WWOX: variants seen among roughly 807,000 people sequenced by gnomAD.
WWOX encodes WW domain containing oxidoreductase.
Under a neutral mutation model 46.2 loss-of-function variants are expected in WWOX, and 69 were observed. The ratio of observed to expected loss-of-function variants is 1.49; its 90% CI spans 1.23 to 1.82. The LOEUF (loss-of-function observed/expected upper bound fraction) is 1.82, where lower values mean the gene tolerates loss of function less well. Ranked by LOEUF, WWOX falls within the 40% of genes most tolerant of loss-of-function variation. The probability of loss-of-function intolerance (pLI) is 0.00; values close to 1 mark genes in which losing one functional copy is unlikely to be tolerated. For missense variants in WWOX, 919 were observed against 542.6 expected, an observed-to-expected ratio of 1.69 and a Z score of -6.89; for synonymous variants, 359 against 202.6, an observed-to-expected ratio of 1.77 and a Z score of -6.56.
chr16:79,031,469 C>G (rs897601007), intron 8 of WWOX, among the ~76,000 whole-genome samples: 1 of 151,734 alleles, frequency 6.6e-6, no homozygotes, highest in African/African-American at 2.4e-5. Context: ...TTTGTGGGTC[C>G]ATGTTAATGT....
intron 5 of WWOX, among the ~76,000 whole-genome samples, chr16:78,172,175 A>G (rs375477640): frequency 6.6e-6 from 1 of 152,156 alleles, no homozygotes; most frequent in Non-Finnish European, 1.5e-5. Flanking sequence ...ATTTATTTGT[A>G]TGAATACTTC....
chr16:79,183,529 A>C (rs2050953593), intron 8 of WWOX, among the ~76,000 whole-genome samples: 1 of 152,250 alleles, frequency 6.6e-6, no homozygotes. Flanking sequence ...ATTGGCATCC[A>C]ACCATAATCA....
intron 8 of WWOX, among the ~76,000 whole-genome samples, chr16:78,755,501 G>C (rs998219022): frequency 3.3e-5 from 5 of 152,150 alleles, no homozygotes; most frequent in African/African-American, 1.2e-4. Context: ...ATGTTCTTGA[G>C]TCAGTACCTG....
intron 8 of WWOX, among the ~76,000 whole-genome samples, chr16:78,944,400 C>A (rs967570933): frequency 6.6e-6 from 1 of 152,168 alleles, no homozygotes; most frequent in African/African-American, 2.4e-5. Flanking sequence ...ACGTTTGTTG[C>A]ATCAGTTGAA....
At chr16:78,696,349 A>G (rs950191686) in intron 8 of WWOX, among the ~76,000 whole-genome samples, 1 of 152,188 alleles carries the variant, frequency 6.6e-6, no homozygotes. Flanking sequence ...CAGGGTCCTA[A>G]GTGACTTCAG....
chr16:79,015,641 G>C (rs1256267765), intron 8 of WWOX, among the ~76,000 whole-genome samples: 1 of 152,240 alleles, frequency 6.6e-6, no homozygotes, highest in Non-Finnish European at 1.5e-5. Context: ...ACCACTGTGG[G>C]ATTAGTCATG....
chr16:79,140,510 G>A (rs768401701), intron 8 of WWOX, among the ~76,000 whole-genome samples: 17 of 152,126 alleles, frequency 1.1e-4, no homozygotes, highest in Non-Finnish European at 2.2e-4. Flanking sequence ...CTTGTCTCTG[G>A]AAAATCAGCA....
chr16:78,283,801 G>A (rs1460021604), intron 5 of WWOX, among the ~76,000 whole-genome samples: 1 of 152,148 alleles, frequency 6.6e-6, no homozygotes, highest in African/African-American at 2.4e-5. Context: ...TCAAGGAAGA[G>A]CAATAAAAGG....
intron 6 of WWOX, among the ~76,000 whole-genome samples, chr16:78,418,175 A>G (rs1470156676): frequency 6.6e-6 from 1 of 152,098 alleles, no homozygotes; most frequent in South Asian, 2.1e-4. Context: ...CCTGGCTAAC[A>G]TGGTGAAACC....
intron 5 of WWOX, among the ~76,000 whole-genome samples, chr16:78,361,845 C>A (rs576770350): frequency 1.3e-5 from 2 of 152,146 alleles, no homozygotes; most frequent in South Asian, 4.1e-4. Flanking sequence ...CTCCTCTTCT[C>A]TGGTGATCCT....
At chr16:78,884,908 T>C (rs1017157650) in intron 8 of WWOX, among the ~76,000 whole-genome samples, 9 of 152,222 alleles carry the variant, frequency 5.9e-5, no homozygotes. Context: ...ATCAATGCAT[T>C]CCATTTATTC....
intron 8 of WWOX, among the ~76,000 whole-genome samples, chr16:78,738,666 G>A (rs1053379655): frequency 1.3e-5 from 2 of 151,900 alleles, no homozygotes; most frequent in Non-Finnish European, 2.9e-5. Context: ...TTCCTTGATC[G>A]CATTTGCTTC....
At chr16:78,833,574 T>C (rs2051892050) in intron 8 of WWOX, among the ~76,000 whole-genome samples, 1 of 152,124 alleles carries the variant, frequency 6.6e-6, no homozygotes, top group Non-Finnish European at 1.5e-5. Context: ...ATGGTGCTTG[T>C]ATCTGATTTT....
intron 8 of WWOX, among the ~76,000 whole-genome samples, chr16:78,863,394 C>G (rs1011600930): frequency 1.3e-5 from 2 of 152,178 alleles, no homozygotes; most frequent in South Asian, 4.1e-4. Flanking sequence ...TGAATGGACC[C>G]TGAGTATCTT....
intron 8 of WWOX, among the ~76,000 whole-genome samples, chr16:78,544,199 G>C (rs1402417992): frequency 6.6e-6 from 1 of 152,106 alleles, no homozygotes; most frequent in African/African-American, 2.4e-5. Flanking sequence ...AAATATTTTG[G>C]TAGGAAATAG....
chr16:78,370,130 C>CAAAAAAA (rs749015478), intron 5 of WWOX, among the ~76,000 whole-genome samples: 1 of 76,086 alleles, frequency 1.3e-5, no homozygotes, highest in Non-Finnish European at 2.3e-5. Context: ...AGACTGTCTC[C>CAAAAAAA]AAAAAAAAAA....
chr16:79,197,253 T>G (rs555205723), intron 8 of WWOX, among the ~76,000 whole-genome samples: 38 of 152,334 alleles, frequency 2.5e-4, no homozygotes, highest in African/African-American at 9.1e-4. Flanking sequence ...GGTCCTGATC[T>G]GTTTTATCAT....
chr16:78,380,596 C>T (rs898640586), intron 5 of WWOX, among the ~76,000 whole-genome samples: 6 of 152,086 alleles, frequency 3.9e-5, no homozygotes, highest in Non-Finnish European at 8.8e-5. Context: ...ACATCTTATG[C>T]ATTGTGATGA....
chr16:78,161,330 A>T (rs533309666), intron 4 of WWOX, among the ~76,000 whole-genome samples: 6 of 152,136 alleles, frequency 3.9e-5, no homozygotes, highest in South Asian at 4.1e-4. Flanking sequence ...CCACCTTATT[A>T]TTGGCTTCCT....
Sources: gnomAD v4.1 joint callset for allele counts (sites outside exome capture counted in the v4.1 genomes callset) on GRCh38, gnomAD v4.1.1 for gene constraint, MANE v1.5 for transcripts, NCBI Gene and HGNC (gene_info 2026-07-23, HGNC 2026-07-21) for gene names.